LY96: variants seen among roughly 807,000 people sequenced by gnomAD.
LY96 encodes the protein myeloid differentiation protein-2.
In LY96, 18 loss-of-function variants were observed where a neutral mutation model predicts 18.9. The observed-to-expected ratio is 0.95, with a 90% confidence interval of 0.66 to 1.41. The LOEUF is 1.41. LY96 is among the 40% of genes most tolerant of loss of function. The pLI is 0.00. For synonymous variants in LY96, 66 were observed against 62.6 expected, an observed-to-expected ratio of 1.06 and a Z score of -0.26; for missense variants, 175 against 182.4, an observed-to-expected ratio of 0.96 and a Z score of 0.23.
At chr8:74,050,367 T>C in the LY96 span, among the ~76,000 whole-genome samples, 2 of 151,728 alleles carry the variant, frequency 1.3e-5, no homozygotes, top group African/African-American at 2.4e-5. Flanking sequence ...TTAAAATAAA[T>C]TTAGTATGAA....
In LY96 at chr8:73,991,544, C is replaced by T. The variant is rs1422165470; in HGVS notation, c.102C>T (p.Tyr34=). Residue 34 remains tyrosine, a synonymous_variant, in exon 1 of 5, where the codon TAC becomes TAT. Coordinates refer to ENST00000284818, the MANE Select transcript of LY96 (RefSeq NM_015364.5). The part of the protein sequence containing the change: ...VCNSSDASIS[Y]TYCDKMQYPI... ...ACTCATCCGATGCAAGTATTTCATA[C>T]ACCTACTGTGGTAAGTAAAACCGCA... 5.0e-6 allele frequency: 8 copies of T among 1,592,106 alleles called. No homozygotes were observed. The highest frequency in any genetic ancestry group is 4.4e-5 in the South Asian group (4 of 90,638).
chr8:74,088,320 G>T, the LY96 span, among the ~76,000 whole-genome samples: 6 of 152,122 alleles, frequency 3.9e-5, no homozygotes, highest in African/African-American at 9.7e-5. Flanking sequence ...GAGCACCCAT[G>T]GTTCTTACTC....
the LY96 span, among the ~76,000 whole-genome samples, chr8:74,038,022 A>T: frequency 2.0e-5 from 3 of 152,158 alleles, no homozygotes; most frequent in African/African-American, 4.8e-5. Context: ...TTTAATTCTT[A>T]TGGGTACATA....
chr8:74,058,523 CTTT>C, the LY96 span, among the ~76,000 whole-genome samples: 4 of 139,582 alleles, frequency 2.9e-5, no homozygotes, highest in Non-Finnish European at 3.1e-5. Context: ...GAAAGTTTTT[CTTT>C]TTTTTTTTTT....
At chr8:74,029,180 T>G, downstream of LY96, 1 of 646,466 alleles carries the variant, frequency 1.5e-6, no homozygotes, top group South Asian at 1.8e-5. Flanking sequence ...AGAAAGAAGC[T>G]TATCCTCACA....
At chr8:74,073,640 A>AATTTATTTATTT in the LY96 span, among the ~76,000 whole-genome samples, 1,110 of 145,358 alleles carry the variant, frequency 7.6e-3, 14 homozygotes, top group African/African-American at 0.026. Flanking sequence ...GAGATTGATG[A>AATTTATTTATTT]ATTTATTTAT....
intron 2 of LY96, among the ~76,000 whole-genome samples, chr8:74,005,876 A>G (rs1816398336): frequency 6.6e-6 from 1 of 152,246 alleles, no homozygotes; most frequent in African/African-American, 2.4e-5. Flanking sequence ...CACATAATTT[A>G]CATCCTAGTT....
the LY96 span, among the ~76,000 whole-genome samples, chr8:74,060,197 C>A: frequency 6.6e-6 from 1 of 152,180 alleles, no homozygotes; most frequent in Non-Finnish European, 1.5e-5. Context: ...AAACTTCCAA[C>A]TCTTATTGTC....
At chr8:74,033,401 A>G (rs1817001662), downstream of LY96, among the ~76,000 whole-genome samples, 1 of 152,248 alleles carries the variant, frequency 6.6e-6, no homozygotes, top group African/African-American at 2.4e-5. Context: ...TGCCTGGGGC[A>G]ATACTGAGGC....
At chr8:74,050,083 C>T in the LY96 span, among the ~76,000 whole-genome samples, 2 of 152,096 alleles carry the variant, frequency 1.3e-5, no homozygotes, top group Non-Finnish European at 2.9e-5. Context: ...TGGTTCACAC[C>T]TGTAATGCCA....
intron 2 of LY96, 113 bp from the exon 3 acceptor site, chr8:74,009,888 A>G: frequency 1.3e-6 from 1 of 763,950 alleles, no homozygotes; most frequent in East Asian, 2.7e-5. Context: ...TGATGATTAA[A>G]TGAAATAATG....
rs1454378777 is a variant in LY96 at position 74,002,058 on chromosome 8, CCTTCCTTCCTTCCTTCCTTTCTTTCTTT to C, written c.113-2734_113-2707del. On this transcript the variant is annotated intron_variant, in intron 1 of 4. Coordinates refer to ENST00000284818, the MANE Select transcript of LY96 (RefSeq NM_015364.5). ...TCCTTCCTTCCTTCCTTCCTTCCTT[CCTTCCTTCCTTCCTTCCTTTCTTTCTTT>C]CTTTCTTTCTCTCTCTCTCTCTCTC... Among the ~76,000 whole-genome samples the C allele has an allele frequency of 1.0e-3, 32 of 31,646 alleles. 2 individuals carry two copies. The highest frequency in any genetic ancestry group is 5.9e-3 in the African/African-American group (31 of 5,274). The allele number at this position is 31,646 out of a possible 152,430, so 20.8% of individuals were successfully genotyped here.
At chr8:74,080,646 GCTTCCCAAC>G in the LY96 span, among the ~76,000 whole-genome samples, 2 of 152,182 alleles carry the variant, frequency 1.3e-5, no homozygotes, top group Admixed American at 1.3e-4. Context: ...CTGATTCCCT[GCTTCCCAAC>G]CTTTCTCCAA....
At position 74,010,049 on chromosome 8, in the gene LY96, C is replaced by T. The variant is rs199845476; in HGVS notation, c.251C>T (p.Thr84Ile). The T allele has an allele frequency of 5.0e-6, 8 of 1,609,246 alleles. No individual in the cohort carries two copies. In the Admixed American group the frequency reaches 1.2e-4, roughly 23 times the overall value. Residue 84 changes from threonine to isoleucine, a missense_variant, in exon 3 of 5, where the codon ACC (threonine) becomes ATC (isoleucine). Transcript: ENST00000284818. ...TTCAATCTCTATATAACTGTCAACA[C>T]CATGAATCTTCCAAAGCGCAAAGAA... ...LYFNLYITVN[T>I]MNLPKRKEVI...
At chr8:74,002,858 G>A (rs1040229968) in intron 1 of LY96, among the ~76,000 whole-genome samples, 1 of 152,132 alleles carries the variant, frequency 6.6e-6, no homozygotes, top group African/African-American at 2.4e-5. Flanking sequence ...ACAGGCATGA[G>A]TCACCGTGCC....
the LY96 span, among the ~76,000 whole-genome samples, chr8:74,046,870 A>G: frequency 2.8e-5 from 4 of 141,012 alleles, no homozygotes. Flanking sequence ...GGAGGTGAAC[A>G]TTTTTCCTGA....
At chr8:73,996,029 G>A (rs1355774421) in intron 1 of LY96, among the ~76,000 whole-genome samples, 1 of 152,188 alleles carries the variant, frequency 6.6e-6, no homozygotes, top group East Asian at 1.9e-4. Flanking sequence ...AGATGTGATG[G>A]CACTCACCAG....
chr8:74,070,147 A>G, the LY96 span, among the ~76,000 whole-genome samples: 1 of 150,882 alleles, frequency 6.6e-6, no homozygotes, highest in East Asian at 2.0e-4. Context: ...GCTAGAGTGC[A>G]GTGGCGCGAT....
chr8:74,014,713 C>A (rs1410813247), intron 3 of LY96, among the ~76,000 whole-genome samples: 1 of 151,290 alleles, frequency 6.6e-6, no homozygotes, highest in Non-Finnish European at 1.5e-5. Context: ...AATAATTTTC[C>A]TTTTGGTTGT....
Sources: allele counts gnomAD v4.1 joint callset (sites outside exome capture counted in the v4.1 genomes callset), GRCh38; gene constraint gnomAD v4.1.1; transcripts MANE v1.5; gene names NCBI Gene and HGNC (gene_info 2026-07-23, HGNC 2026-07-21).